The following KCNK12 variants were observed in gnomAD, a reference collection of about 807,000 sequenced individuals.
KCNK12 encodes potassium channel subfamily K member 12.
A neutral mutation model predicts 25.3 loss-of-function variants in KCNK12; 6 were observed. The observed-to-expected ratio is 0.24, with a 90% confidence interval of 0.13 to 0.47. KCNK12 has a LOEUF of 0.47. KCNK12 is among the 20% of genes least tolerant of loss of function. KCNK12 has a pLI of 0.99. For missense variants in KCNK12, 444 were observed against 661.7 expected, an observed-to-expected ratio of 0.67 and a Z score of 3.61; for synonymous variants, 331 against 311.1, an observed-to-expected ratio of 1.06 and a Z score of -0.67.
intron 1 of KCNK12, chr2:47,563,872 C>T (rs1220792484): frequency 1.3e-5 from 3 of 232,488 alleles, no homozygotes; most frequent in Non-Finnish European, 2.5e-5. Flanking sequence ...TGGGCATAGT[C>T]AAGACTGAGT....
intron 1 of KCNK12, among the ~76,000 whole-genome samples, chr2:47,550,211 G>C (rs190770891): frequency 1.3e-5 from 2 of 152,026 alleles, no homozygotes; most frequent in Admixed American, 1.3e-4. Context: ...TTCCAAATTT[G>C]AGAAAATTTA....
In KCNK12 at chr2:47,521,529, G is replaced by C; in HGVS notation, c.671C>G (p.Ala224Gly). 1.3e-6 allele frequency: 2 copies of C among 1,572,342 alleles called. No homozygotes were observed. The highest frequency in any genetic ancestry group is 1.7e-6 in the Non-Finnish European group (2 of 1,159,112). ...CGAGGCGCAGCAGGACAGCAGCACGGCGAACAGGCCCAGGATGAGCAGCAC... is the reference window on the plus strand; with the variant it reads ...CGAGGCGCAGCAGGACAGCAGCACGCCGAACAGGCCCAGGATGAGCAGCAC... ...YHVLLILGLFAVLLSCCASAM... is the reference protein window; with the variant it reads ...YHVLLILGLFGVLLSCCASAM... Residue 224 changes from alanine (A) to glycine (G), a missense_variant, in exon 2 of 2, where the codon GCC (alanine) becomes GGC (glycine). Ala to Gly is a moderately conservative substitution (Grantham distance 60). Coordinates refer to ENST00000327876, the MANE Select transcript of KCNK12 (RefSeq NM_022055.2).
At chr2:47,541,509 C>T (rs143656476) in intron 1 of KCNK12, among the ~76,000 whole-genome samples, 1 of 152,168 alleles carries the variant, frequency 6.6e-6, no homozygotes, top group African/African-American at 2.4e-5. Context: ...GGGAGATGGT[C>T]TCGGTGACCT....
At chr2:47,539,886 G>T (rs1669159718) in intron 1 of KCNK12, among the ~76,000 whole-genome samples, 1 of 152,222 alleles carries the variant, frequency 6.6e-6, no homozygotes, top group Non-Finnish European at 1.5e-5. Flanking sequence ...CTTTATCTCA[G>T]AGAGGCTGTG....
At position 47,533,579 on chromosome 2, in the gene KCNK12, C is replaced by T. The variant is rs576776005; in HGVS notation, c.392-11771G>A. ...AAGCCTGGCTCTACCATTGGCTCGC[C>T]GTTCTCCTACCTCGCTGGGCCTCCA... On this transcript the variant is annotated intron_variant, in intron 1 of 1. Coordinates refer to ENST00000327876, the MANE Select transcript of KCNK12 (RefSeq NM_022055.2). This position sits in a 1 kb window ranked among gnomAD's most constrained non-coding sequence, Gnocchi z 4.7. 1.9e-4 allele frequency among the ~76,000 whole-genome samples: 29 copies of T among 152,344 alleles called. No homozygotes were observed. The highest frequency in any genetic ancestry group is 8.3e-4 in the South Asian group (4 of 4,818).
intron 1 of KCNK12, among the ~76,000 whole-genome samples, chr2:47,553,760 A>G (rs1669490518): frequency 1.3e-5 from 2 of 152,174 alleles, no homozygotes; most frequent in African/African-American, 4.8e-5. Flanking sequence ...AAGCCCTCCA[A>G]TATGACCTTA....
chr2:47,567,023 T>C (rs1315448988), intron 1 of KCNK12: 3 of 152,216 alleles, frequency 2.0e-5, no homozygotes, highest in Non-Finnish European at 4.4e-5. Context: ...AGAGTAAGCT[T>C]TAACCTTTCA....
rs143949324 is a variant in KCNK12 at position 47,531,333 on chromosome 2, C to T, written c.392-9525G>A. Among the ~76,000 whole-genome samples, 753 of 152,074 alleles carry T rather than the reference C, an allele frequency of 5.0e-3. 5 individuals are homozygous for T. Among genetic ancestry groups the T allele is most frequent in the African/African-American group, 0.015 (638 of 41,472 alleles). ...ACAAAAAATTTGAAAATCAGCTGGGCGTGGTGGCGTGTGCCTGTGGTCCTA... is the reference window on the plus strand; with the variant it reads ...ACAAAAAATTTGAAAATCAGCTGGGTGTGGTGGCGTGTGCCTGTGGTCCTA... On this transcript the variant is annotated intron_variant, in intron 1 of 1. Transcript: ENST00000327876.
rs567620063 is a variant in KCNK12, at chr2:47,512,706, T to TTA, written c.*8200_*8201insTA. Reference sequence around the variant, plus strand: ...CTCTGCATTGCTGAGCAAACTACATTTCCCAGAACTCCTTGTTGGATTCCT... The same window carrying TTA: ...CTCTGCATTGCTGAGCAAACTACATTTATCCCAGAACTCCTTGTTGGATTCCT... On this transcript the variant is annotated 3_prime_UTR_variant, in exon 2 of 2. Coordinates refer to ENST00000327876, the MANE Select transcript of KCNK12 (RefSeq NM_022055.2). 6.2e-6 allele frequency: 2 copies of TTA among 324,976 alleles called. No individual in the cohort carries two copies. Among genetic ancestry groups the TTA allele is most frequent in the Non-Finnish European group, 1.1e-5 (2 of 177,270 alleles). 20.1% of individuals were successfully genotyped at this position (324,976 alleles called of 1,614,324 possible). A position where few individuals can be genotyped will look rare whatever the true frequency, so the allele number is the denominator to read the frequency against.
rs1184989213 is a variant in KCNK12 at position 47,525,068 on chromosome 2, A to C, written c.392-3260T>G. ...AAGAAAATACTGAATTGGATTTTTC[A>C]GCTAAAGCCTCAAAGCTGAGAACAG... On this transcript the variant is annotated intron_variant, in intron 1 of 1. Coordinates refer to ENST00000327876, the MANE Select transcript of KCNK12 (RefSeq NM_022055.2). The surrounding 1 kb of genome is among the most constrained non-coding windows in gnomAD (Gnocchi z 4.1). Among the ~76,000 whole-genome samples, 1 of 152,254 alleles carries C rather than the reference A, an allele frequency of 6.6e-6. No homozygotes were observed. Among genetic ancestry groups the C allele is most frequent in the African/African-American group, 2.4e-5 (1 of 41,466 alleles).
Position 47,516,529 on chromosome 2 carries a change from G to A in KCNK12, c.*4378C>T, listed in dbSNP as rs149932749. ...TCCTGAGAGGAGGTGTGAACTGGAA[G>A]ATGGGGAGGCAGGCGGCTCTGACAG... On this transcript the variant is annotated 3_prime_UTR_variant, in exon 2 of 2. Coordinates refer to ENST00000327876, the MANE Select transcript of KCNK12 (RefSeq NM_022055.2). 0.011 allele frequency: 1,683 copies of A among 152,400 alleles called. 15 individuals carry two copies. The highest frequency in any genetic ancestry group is 0.018 in the Non-Finnish European group (1,223 of 68,076). The allele number at this position is 152,400 out of a possible 1,614,324, so 9.4% of individuals were successfully genotyped here. A position where few individuals can be genotyped will look rare whatever the true frequency, so the allele number is the denominator to read the frequency against.
rs144198101 is a variant in KCNK12 at position 47,510,604 on chromosome 2, G to A, written c.*10303C>T. Among the ~76,000 whole-genome samples, 5 of 152,312 alleles carry A rather than the reference G, an allele frequency of 3.3e-5. No individual in the cohort carries two copies. In the East Asian group the frequency reaches 9.6e-4, roughly 29 times the overall value. ...CACTCTCACCGCACGTATTTGGTCA[G>A]CTATGAATATGACCAACTCTCGTCG... On this transcript the variant is annotated 3_prime_UTR_variant, in exon 2 of 2. Transcript: ENST00000327876.
At position 47,570,268 on chromosome 2, in the gene KCNK12, A is replaced by T; in HGVS notation, c.64T>A (p.Cys22Ser). ...GAACGGCGGCAGCAGCAGCAGCAGCAGGAGGGGCGCGGCAGGCGGCGGCGG... is the reference window on the plus strand; with the variant it reads ...GAACGGCGGCAGCAGCAGCAGCAGCTGGAGGGGCGCGGCAGGCGGCGGCGG... ...RSRRRLPRPS[C>S]CCCCCRRSHL... Residue 22 changes from cysteine to serine, a missense_variant, in exon 1 of 2, where the codon TGC becomes AGC. This residue lies in a region of KCNK12 where 67 missense variants were observed against 59.2 expected (regional missense o/e 1.13). Transcript: ENST00000327876. The T allele has an allele frequency of 7.0e-7, 1 of 1,420,442 alleles. No homozygotes were observed. Among genetic ancestry groups the T allele is most frequent in the Non-Finnish European group, 9.2e-7 (1 of 1,088,230 alleles). 88.0% of individuals were successfully genotyped at this position (1,420,442 alleles called of 1,614,324 possible).
rs865808573 is a variant in KCNK12, at chr2:47,511,226, T to C, written c.*9681A>G. 6.6e-6 allele frequency among the ~76,000 whole-genome samples: 1 copy of C among 152,202 alleles called. No homozygotes were observed. On this transcript the variant is annotated 3_prime_UTR_variant, in exon 2 of 2. Transcript: ENST00000327876. This position sits in a 1 kb window ranked among gnomAD's most constrained non-coding sequence, Gnocchi z 4.3. ...GTGTGGCCTCCTTACTGAGCCTCAT[T>C]TCCCTCTGTCTGCAGAGTCAAGCAA... is the stretch of plus-strand genomic sequence containing the variant.
rs187336253 is a variant in KCNK12, at chr2:47,541,613, G to A, written c.392-19805C>T. On this transcript the variant is annotated intron_variant, in intron 1 of 1. Coordinates refer to ENST00000327876, the MANE Select transcript of KCNK12 (RefSeq NM_022055.2). ...ACCTCAGAATGTTACTGCATTGGTA[G>A]AAAGGCTTTTTAAAAAAGGGAATCA... Among the ~76,000 whole-genome samples the A allele has an allele frequency of 5.3e-5, 8 of 152,246 alleles. No homozygotes were observed. In the East Asian group the frequency reaches 1.5e-3, roughly 29 times the overall value.
At position 47,513,392 on chromosome 2, in the gene KCNK12, GC is replaced by G. The variant is rs1668450206; in HGVS notation, c.*7514del. ...CTTCTTGAAACCCTTGTTTCCCTTG[GC>G]TTTGTGGCATCCTGTGCTCTTGGTT... On this transcript the variant is annotated 3_prime_UTR_variant, in exon 2 of 2. Coordinates refer to ENST00000327876, the MANE Select transcript of KCNK12 (RefSeq NM_022055.2). Among the ~76,000 whole-genome samples the G allele has an allele frequency of 6.6e-6, 1 of 152,130 alleles. No homozygotes were observed. The highest frequency in any genetic ancestry group is 2.4e-5 in the African/African-American group (1 of 41,422).
At chr2:47,552,859 G>C (rs56271106) in intron 1 of KCNK12, among the ~76,000 whole-genome samples, 4,051 of 152,272 alleles carry the variant, frequency 0.027, 187 homozygotes, top group African/African-American at 0.094. Context: ...GTCAAGAAAT[G>C]AGGGGGGAAT....
intron 1 of KCNK12, among the ~76,000 whole-genome samples, chr2:47,567,763 G>T (rs539016719): frequency 2.0e-5 from 3 of 152,316 alleles, no homozygotes; most frequent in South Asian, 4.1e-4. Context: ...ACATGCTTCA[G>T]TGTAGCCCTC....
In KCNK12 at chr2:47,563,959, G is replaced by T. The variant is rs983129854; in HGVS notation, c.391+5982C>A. On this transcript the variant is annotated intron_variant, in intron 1 of 1. Coordinates refer to ENST00000327876, the MANE Select transcript of KCNK12 (RefSeq NM_022055.2). ...TCCTGGGAGTCCAGGGGAGAGCAGG[G>T]GGATCCAGGTACCTTTCTTGTCTCA... is the stretch of plus-strand genomic sequence containing the variant. The T allele has an allele frequency of 2.6e-5, 6 of 231,900 alleles. No homozygotes were observed. The Admixed American group carries it at 3.4e-4, about 13-fold the overall frequency. 14.4% of individuals were successfully genotyped at this position (231,900 alleles called of 1,614,324 possible). A position where few individuals can be genotyped will look rare whatever the true frequency, so the allele number is the denominator to read the frequency against.
Sources: gnomAD v4.1 joint callset for allele counts (sites outside exome capture counted in the v4.1 genomes callset) on GRCh38, gnomAD v4.1.1 for gene constraint, gnomAD v4.1.1 regional missense constraint, Gnocchi (gnomAD v3.1) non-coding constraint, MANE v1.5 for transcripts, NCBI Gene and HGNC (gene_info 2026-07-23, HGNC 2026-07-21) for gene names.